SPAG16: variants seen among roughly 807,000 people sequenced by gnomAD.
SPAG16 encodes sperm-associated antigen 16 protein.
In SPAG16, 86 loss-of-function variants were observed where a neutral mutation model predicts 80.4. The ratio of observed to expected loss-of-function variants is 1.07; its 90% CI spans 0.90 to 1.28. SPAG16 has a LOEUF of 1.28. Ranked by LOEUF, SPAG16 falls within the 50% of genes most tolerant of loss-of-function variation. The probability of loss-of-function intolerance (pLI) is 0.00; values close to 1 mark genes in which losing one functional copy is unlikely to be tolerated. For synonymous variants in SPAG16, 294 were observed against 265.9 expected, an observed-to-expected ratio of 1.11 and a Z score of -1.03; for missense variants, 870 against 765.3, an observed-to-expected ratio of 1.14 and a Z score of -1.61.
chr2:213,536,434 C>T (rs559621718), intron 10 of SPAG16, among the ~76,000 whole-genome samples: 1 of 152,304 alleles, frequency 6.6e-6, no homozygotes, highest in African/African-American at 2.4e-5. Flanking sequence ...AAGTAGTTTA[C>T]TGTCCCACCA....
At chr2:213,526,167 C>T (rs796599793) in intron 10 of SPAG16, among the ~76,000 whole-genome samples, 1 of 152,004 alleles carries the variant, frequency 6.6e-6, no homozygotes, top group Non-Finnish European at 1.5e-5. Context: ...TCTTTATTCA[C>T]CCTCCTATGC....
At chr2:214,407,644 T>G (rs1702067793) in intron 15 of SPAG16, among the ~76,000 whole-genome samples, 1 of 152,110 alleles carries the variant, frequency 6.6e-6, no homozygotes, top group South Asian at 2.1e-4. Flanking sequence ...TATAAACACT[T>G]TCTCTATAAA....
intron 10 of SPAG16, among the ~76,000 whole-genome samples, chr2:213,495,943 G>C (rs2074464461): frequency 1.3e-5 from 2 of 152,176 alleles, no homozygotes; most frequent in African/African-American, 4.8e-5. Context: ...GGGGATCAAA[G>C]AGCCTGTGAC....
At chr2:213,559,435 C>T (rs193211202) in intron 10 of SPAG16, among the ~76,000 whole-genome samples, 11 of 152,010 alleles carry the variant, frequency 7.2e-5, no homozygotes, top group Non-Finnish European at 1.2e-4. Context: ...GAAATCTTAC[C>T]GAATGAAAAA....
intron 15 of SPAG16, among the ~76,000 whole-genome samples, chr2:214,177,161 A>G (rs756187115): frequency 6.6e-6 from 1 of 151,206 alleles, no homozygotes; most frequent in Non-Finnish European, 1.5e-5. Context: ...GCCAATGGAT[A>G]TGAAATTATT....
intron 13 of SPAG16, among the ~76,000 whole-genome samples, chr2:214,029,825 GT>G (rs1031538573): frequency 2.0e-5 from 3 of 152,142 alleles, no homozygotes; most frequent in African/African-American, 7.2e-5. Flanking sequence ...GTATGGAGGT[GT>G]AATTGATTTG....
At chr2:214,152,555 TG>T (rs1292232980) in intron 15 of SPAG16, among the ~76,000 whole-genome samples, 1 of 152,082 alleles carries the variant, frequency 6.6e-6, no homozygotes, top group Non-Finnish European at 1.5e-5. Flanking sequence ...ACAAGGTCGG[TG>T]GGTCTCTCCC....
intron 12 of SPAG16, among the ~76,000 whole-genome samples, chr2:213,944,705 T>C (rs1390674827): frequency 6.6e-6 from 1 of 152,102 alleles, no homozygotes; most frequent in African/African-American, 2.4e-5. Context: ...ATGGGCTATA[T>C]GTTTGTGTCC....
At chr2:213,928,313 C>T (rs1194437977) in intron 11 of SPAG16, among the ~76,000 whole-genome samples, 1 of 150,986 alleles carries the variant, frequency 6.6e-6, no homozygotes, top group Non-Finnish European at 1.5e-5. Context: ...AGGATGGTCT[C>T]TATCTCCTGA....
chr2:214,348,350 G>T (rs556787658), intron 15 of SPAG16, among the ~76,000 whole-genome samples: 1 of 152,262 alleles, frequency 6.6e-6, no homozygotes, highest in East Asian at 1.9e-4. Flanking sequence ...CAGAGGTTGG[G>T]CTCTGACAAT....
chr2:213,348,921 T>A (rs1575306524), intron 6 of SPAG16, among the ~76,000 whole-genome samples: 1 of 152,144 alleles, frequency 6.6e-6, no homozygotes, highest in Admixed American at 6.6e-5. Context: ...CTTTGCTCTT[T>A]CCAGTGCACA....
intron 15 of SPAG16, among the ~76,000 whole-genome samples, chr2:214,318,271 G>A (rs1045917404): frequency 5.4e-5 from 8 of 149,066 alleles, no homozygotes; most frequent in African/African-American, 1.2e-4. Context: ...CCCAGCAAAT[G>A]TTAGAGAACA....
intron 15 of SPAG16, among the ~76,000 whole-genome samples, chr2:214,272,699 T>C (rs1692125365): frequency 6.6e-6 from 1 of 152,194 alleles, no homozygotes; most frequent in South Asian, 2.1e-4. Flanking sequence ...CACTGATGGA[T>C]AGTTGGGTTG....
At chr2:214,397,246 C>T (rs1468334932) in intron 15 of SPAG16, among the ~76,000 whole-genome samples, 1 of 149,906 alleles carries the variant, frequency 6.7e-6, no homozygotes, top group East Asian at 2.0e-4. Flanking sequence ...ACCTCCGCCT[C>T]CTGGATTCAA....
chr2:213,620,865 AT>A (rs1219095750), intron 10 of SPAG16, among the ~76,000 whole-genome samples: 1 of 152,178 alleles, frequency 6.6e-6, no homozygotes, highest in Non-Finnish European at 1.5e-5. Context: ...CTGCAGATAA[AT>A]TTAAGTGCTT....
chr2:213,804,619 C>T (rs1157248722), intron 10 of SPAG16, among the ~76,000 whole-genome samples: 1 of 152,150 alleles, frequency 6.6e-6, no homozygotes, highest in African/African-American at 2.4e-5. Flanking sequence ...GGAGGCGGAG[C>T]TTGCAGTGAG....
At chr2:213,336,635 GCTTC>G (rs1297594992) in intron 5 of SPAG16, among the ~76,000 whole-genome samples, 8 of 152,190 alleles carry the variant, frequency 5.3e-5, no homozygotes, top group African/African-American at 2.4e-5. Flanking sequence ...TGGCTAGACT[GCTTC>G]CTTAAGTAGA....
chr2:213,933,927 G>A (rs990784615), intron 12 of SPAG16, among the ~76,000 whole-genome samples: 1 of 152,124 alleles, frequency 6.6e-6, no homozygotes, highest in African/African-American at 2.4e-5. Flanking sequence ...CTTAAATCCC[G>A]TTGACTCTTC....
chr2:214,023,187 C>T (rs1217367911), intron 13 of SPAG16, among the ~76,000 whole-genome samples: 1 of 151,808 alleles, frequency 6.6e-6, no homozygotes, highest in Admixed American at 6.6e-5. Context: ...CCTTTGTTTT[C>T]CAAGTAACTT....
Sources: allele counts gnomAD v4.1 joint callset (sites outside exome capture counted in the v4.1 genomes callset), GRCh38; gene constraint gnomAD v4.1.1; transcripts MANE v1.5; gene names NCBI Gene and HGNC (gene_info 2026-07-23, HGNC 2026-07-21).